Variants in OTOG observed in about 807,000 individuals in gnomAD.
OTOG encodes the protein otogelin.
OTOG carries 296 observed loss-of-function variants against 313.8 expected under a neutral mutation model. The observed-to-expected ratio is 0.94, with a 90% CI of 0.86 to 1.04. The LOEUF (loss-of-function observed/expected upper bound fraction) is 1.04, where lower values mean the gene tolerates loss of function less well. Among genes scored for constraint, OTOG ranks in the 50% least tolerant of loss-of-function variants. OTOG has a pLI of 0.00. For missense variants in OTOG, 3,948 were observed against 3,840.1 expected (o/e 1.03, Z -0.74); for synonymous variants, 1,533 against 1,554.9 (o/e 0.99, Z 0.33).
intron 51 of OTOG, among the ~76,000 whole-genome samples, chr11:17,641,364 A>G (rs1299292647): frequency 6.6e-6 from 1 of 152,226 alleles, no homozygotes; most frequent in Admixed American, 6.5e-5. Flanking sequence ...TGCCTGGCAC[A>G]TTCCCTGTCC....
rs189137404 is a variant in OTOG at position 17,596,171 on chromosome 11, C to T, written c.3525+17C>T. On this transcript the variant is annotated intron_variant, in intron 29 of 55. Coordinates refer to ENST00000399397, the MANE Select transcript of OTOG (RefSeq NM_001292063.2). ...CACCCTGTGGTGAGTGTACCCCAGCCTCGGCTCCTCCCGAGTGCCCCCTCC... is the reference window on the plus strand; with the variant it reads ...CACCCTGTGGTGAGTGTACCCCAGCTTCGGCTCCTCCCGAGTGCCCCCTCC... The T allele has an allele frequency of 6.6e-7, 1 of 1,523,338 alleles. No individual in the cohort carries two copies. The highest frequency in any genetic ancestry group is 2.5e-5 in the East Asian group (1 of 40,768). 94.4% of individuals were successfully genotyped at this position (1,523,338 alleles called of 1,614,324 possible).
rs574102189 is a variant in OTOG, at chr11:17,584,177, T to C, written c.2760-2297T>C. Among the ~76,000 whole-genome samples the C allele has an allele frequency of 1.1e-4, 17 of 152,334 alleles. 2 individuals carry two copies. In the South Asian group the frequency reaches 3.5e-3, roughly 32 times the overall value. On this transcript the variant is annotated intron_variant, in intron 23 of 55. Transcript: ENST00000399397. Reference sequence around the variant, plus strand: ...GTATTCTGCAATCTTGCTAAATTCATTTATGAGTTCTAGTGGCTTTTCTTT... The same window carrying C: ...GTATTCTGCAATCTTGCTAAATTCACTTATGAGTTCTAGTGGCTTTTCTTT...
At chr11:17,560,389 C>T (rs2134009264) in intron 12 of OTOG, among the ~76,000 whole-genome samples, 1 of 152,156 alleles carries the variant, frequency 6.6e-6, no homozygotes, top group South Asian at 2.1e-4. Flanking sequence ...GAAGTCATTC[C>T]TGGAGGAGGT....
intron 48 of OTOG, chr11:17,638,838 C>T: frequency 7.3e-7 from 1 of 1,366,044 alleles, no homozygotes. Flanking sequence ...TGGCTCACAC[C>T]TGTAATCCCA....
chr11:17,589,276 C>A (rs2134054035), intron 24 of OTOG, among the ~76,000 whole-genome samples: 1 of 152,278 alleles, frequency 6.6e-6, no homozygotes, highest in Non-Finnish European at 1.5e-5. Flanking sequence ...TTTGCTCTTT[C>A]ATCCCACTAG....
chr11:17,564,387 C>A (rs1852256170), intron 15 of OTOG, among the ~76,000 whole-genome samples: 1 of 152,150 alleles, frequency 6.6e-6, no homozygotes. Context: ...GGCATTTGGG[C>A]TGAGTGACCT....
chr11:17,631,573 C>T, intron 40 of OTOG, 129 bp from the exon 41 acceptor site: 1 of 763,652 alleles, frequency 1.3e-6, no homozygotes, highest in Non-Finnish European at 2.1e-6. Flanking sequence ...CCTAATTTCC[C>T]TCACCTATAA....
rs763351818 is a variant in OTOG at position 17,642,110 on chromosome 11, A to G, written c.8296-17A>G. 2.3e-5 allele frequency: 35 copies of G among 1,533,522 alleles called. No individual in the cohort carries two copies. The South Asian group carries it at 4.3e-4, about 19-fold the overall frequency. 95.0% of individuals were successfully genotyped at this position (1,533,522 alleles called of 1,614,324 possible). A position where few individuals can be genotyped will look rare whatever the true frequency, so the allele number is the denominator to read the frequency against. On this transcript the variant is annotated splice_polypyrimidine_tract_variant and intron_variant, in intron 52 of 55. Transcript: ENST00000399397. ...CATCTGGCCACAGCTCCCATTACCT[A>G]CTTCTGTGCCCTCCAGCCCGGGGCA...
In OTOG at chr11:17,602,249, C is replaced by T; in HGVS notation, c.3749C>T (p.Ala1250Val). The change falls in exon 32 of 56, where the codon GCC becomes GTC. Residue 1250 changes from alanine (A) to valine (V), a missense_variant. Ala to Val is a moderately conservative substitution (Grantham distance 64). Transcript: ENST00000399397. ...KGPYQLSSLAAGGALVGMKAV... is the reference protein window; with the variant it reads ...KGPYQLSSLAVGGALVGMKAV... ...CCCTATCAGCTATCCAGCTTGGCAG[C>T]CGGTGGTGCTCTGGTGGGCATGAAG... is the stretch of plus-strand genomic sequence containing the variant. 6.4e-7 allele frequency: 1 copy of T among 1,550,522 alleles called. No homozygotes were observed. The highest frequency in any genetic ancestry group is 8.7e-7 in the Non-Finnish European group (1 of 1,146,958).
chr11:17,645,599 A>G lies in OTOG; in HGVS notation c.8497A>G (p.Ile2833Val), dbSNP rs1848057791. ...EDGRSCKKVTIRMTIRKNECR... is the reference protein window; with the variant it reads ...EDGRSCKKVTVRMTIRKNECR... ...TGGGCGCTCCTGCAAGAAGGTGACC[A>G]TCCGCATGACCATCCGCAAGAATGA... The change falls in exon 55 of 56, where the codon ATC becomes GTC. Residue 2833 changes from isoleucine to valine, a missense_variant. By Grantham distance (29) the Ile-to-Val change is conservative. Transcript: ENST00000399397. The G allele has an allele frequency of 1.9e-6, 3 of 1,550,514 alleles. No homozygotes were observed. Among genetic ancestry groups the G allele is most frequent in the African/African-American group, 2.7e-5 (2 of 73,074 alleles).
At chr11:17,616,977 T>G (rs933502709) in intron 39 of OTOG, among the ~76,000 whole-genome samples, 3 of 152,238 alleles carry the variant, frequency 2.0e-5, no homozygotes, top group African/African-American at 7.2e-5. Context: ...GGCATGATGT[T>G]AGTTGTAGGC....
rs1448300499 is a variant in OTOG at position 17,638,669 on chromosome 11, C to T, written c.7894+120C>T. On this transcript the variant is annotated intron_variant, in intron 48 of 55. Transcript: ENST00000399397. ...CTCAGATCTGTCCCCTGCAGGGTCT[C>T]TAGAGGAAGCCACCAGAATCACCTT... 3 of 1,497,368 alleles carry T rather than the reference C, an allele frequency of 2.0e-6. No homozygotes were observed. The Admixed American group carries it at 5.9e-5, about 29-fold the overall frequency. The allele number at this position is 1,497,368 out of a possible 1,614,324, so 92.8% of individuals were successfully genotyped here.
chr11:17,626,746 C>T (rs1190301233), intron 39 of OTOG, among the ~76,000 whole-genome samples: 3 of 152,070 alleles, frequency 2.0e-5, no homozygotes, highest in Non-Finnish European at 2.9e-5. Context: ...TTCTTCTAAT[C>T]CATGAGCATG....
rs1216197687 is a variant in OTOG at position 17,593,342 on chromosome 11, C to T, written c.3141+15C>T. 6.5e-7 allele frequency: 1 copy of T among 1,550,072 alleles called. No individual in the cohort carries two copies. Among genetic ancestry groups the T allele is most frequent in the African/African-American group, 1.4e-5 (1 of 73,036 alleles). On this transcript the variant is annotated intron_variant, in intron 26 of 55. Transcript: ENST00000399397. ...CCGGAAATCCTGTAAGGCTCAGTGC[C>T]TGTGAAGGTTGTGTAGACAATTTAC...
chr11:17,598,895 C>T (rs7112790), intron 30 of OTOG, among the ~76,000 whole-genome samples: 1,853 of 152,242 alleles, frequency 0.012, 40 homozygotes, highest in African/African-American at 0.043. Flanking sequence ...GGAGGGTGAC[C>T]CCAGATGCAT....
chr11:17,547,371 C>T lies in OTOG; in HGVS notation c.-2C>T, dbSNP rs1851829997. On this transcript the variant is annotated 5_prime_UTR_variant, in exon 1 of 56. Transcript: ENST00000399397. ...CAAGTCCTCCGGTCCCCTCGTGTCC[C>T]TATGGGAGTCCTGGCGTCTGCGCTC... The T allele has an allele frequency of 4.3e-6, 6 of 1,390,324 alleles. No individual in the cohort carries two copies. Among genetic ancestry groups the T allele is most frequent in the African/African-American group, 3.0e-5 (2 of 66,442 alleles). 86.1% of individuals were successfully genotyped at this position (1,390,324 alleles called of 1,614,324 possible).
intron 27 of OTOG, 99 bp downstream of exon 27, chr11:17,593,855 G>T (rs896402748): frequency 5.5e-6 from 8 of 1,459,302 alleles, no homozygotes; most frequent in Non-Finnish European, 7.4e-6. Context: ...GCCAAGAAGA[G>T]CATGCCTCTG....
At chr11:17,554,259 C>T (rs971805819) in intron 6 of OTOG, among the ~76,000 whole-genome samples, 2 of 152,150 alleles carry the variant, frequency 1.3e-5, no homozygotes, top group Non-Finnish European at 2.9e-5. Context: ...CATATTATGA[C>T]GCTGTCATTG....
intron 3 of OTOG, among the ~76,000 whole-genome samples, chr11:17,549,118 T>C (rs1020435650): frequency 2.0e-5 from 3 of 152,180 alleles, no homozygotes; most frequent in Non-Finnish European, 2.9e-5. Context: ...CCAAACTTCT[T>C]TGGTCTCTGG....
Sources: allele counts gnomAD v4.1 joint callset (sites outside exome capture counted in the v4.1 genomes callset), GRCh38; gene constraint gnomAD v4.1.1; transcripts MANE v1.5; gene names NCBI Gene and HGNC (gene_info 2026-07-23, HGNC 2026-07-21).